ERI3: variants seen among roughly 807,000 people sequenced by gnomAD.
The protein encoded by ERI3 is ERI1 exoribonuclease 3.
ERI3 carries 18 observed loss-of-function variants against 44.4 expected under a neutral mutation model. The ratio of observed to expected loss-of-function variants is 0.41; its 90% CI spans 0.28 to 0.60. ERI3 has a LOEUF of 0.60. Ranked by LOEUF, ERI3 falls within the 20% of genes least tolerant of loss-of-function variation. The pLI is 0.36. For synonymous variants in ERI3, 183 were observed against 164.8 expected, an observed-to-expected ratio of 1.11 and a Z score of -0.84; for missense variants, 294 against 435.5, an observed-to-expected ratio of 0.68 and a Z score of 2.89.
intron 5 of ERI3, among the ~76,000 whole-genome samples, chr1:44,310,963 G>GCACACACACACACA (rs58344074): frequency 8.1e-6 from 1 of 123,202 alleles, no homozygotes; most frequent in Non-Finnish European, 1.7e-5. Context: ...GCGCGCGCGC[G>GCACACACACACACA]CACACACACA....
At position 44,339,733 on chromosome 1, in the gene ERI3, T is replaced by A. The variant is rs541952891; in HGVS notation, c.212-411A>T. ...TGAGGTGACCCTGTTGTACAATGAG[T>A]CCTGGAAGCTAAGTAGACTCAGACA... On this transcript the variant is annotated intron_variant, in intron 2 of 8. Transcript: ENST00000372257. Among the ~76,000 whole-genome samples the A allele has an allele frequency of 1.2e-4, 18 of 152,184 alleles. No homozygotes were observed. The East Asian group carries it at 3.5e-3, about 29-fold the overall frequency.
intron 8 of ERI3, among the ~76,000 whole-genome samples, chr1:44,226,687 T>C (rs940476820): frequency 1.3e-5 from 2 of 151,712 alleles, no homozygotes; most frequent in Admixed American, 1.3e-4. Flanking sequence ...TTGGATGAGT[T>C]AAGTCATATT....
In ERI3 at chr1:44,252,332, C is replaced by T. The variant is rs1484936002; in HGVS notation, c.832-4294G>A. On this transcript the variant is annotated intron_variant, in intron 7 of 8. Transcript: ENST00000372257. The surrounding 1 kb of genome is among the most constrained non-coding windows in gnomAD (Gnocchi z 4.7). ...AGGGAAGCAGGTGCCGAGCTGCTCC[C>T]GGCTGGCTCTCCCCTCTCGTGGCTC... Among the ~76,000 whole-genome samples the T allele has an allele frequency of 6.6e-6, 1 of 152,254 alleles. No individual in the cohort carries two copies. The highest frequency in any genetic ancestry group is 1.5e-5 in the Non-Finnish European group (1 of 68,040).
At chr1:44,335,811 G>A (rs993702227) in intron 3 of ERI3, among the ~76,000 whole-genome samples, 19 of 150,638 alleles carry the variant, frequency 1.3e-4, no homozygotes, top group African/African-American at 4.6e-4. Context: ...AAGAATCTCT[G>A]TCAAATGGAC....
At chr1:44,317,144 GCACACA>G (rs10670781) in intron 4 of ERI3, among the ~76,000 whole-genome samples, 3 of 151,016 alleles carry the variant, frequency 2.0e-5, no homozygotes, top group African/African-American at 4.9e-5. Context: ...GCATGTGCGT[GCACACA>G]CACACACACA....
At position 44,241,695 on chromosome 1, in the gene ERI3, A is replaced by G. The variant is rs1644438373; in HGVS notation, c.931+6244T>C. On this transcript the variant is annotated intron_variant, in intron 8 of 8. Coordinates refer to ENST00000372257, the MANE Select transcript of ERI3 (RefSeq NM_024066.3). The surrounding 1 kb of genome is among the most constrained non-coding windows in gnomAD (Gnocchi z 5.6). ...GATTTCTTTGTCATTTAAGTCTGCG[A>G]TGGTTTGACAGGAGATACAGAGAGA... Among the ~76,000 whole-genome samples the G allele has an allele frequency of 1.3e-5, 2 of 152,128 alleles. No homozygotes were observed. The highest frequency in any genetic ancestry group is 6.6e-5 in the Admixed American group (1 of 15,264).
At chr1:44,316,273 G>A (rs1351512223) in intron 4 of ERI3, among the ~76,000 whole-genome samples, 1 of 152,306 alleles carries the variant, frequency 6.6e-6, no homozygotes, top group East Asian at 1.9e-4. Flanking sequence ...GCTAAACAGA[G>A]CTCAGAGACC....
chr1:44,283,090 C>A (rs990261310), intron 7 of ERI3, among the ~76,000 whole-genome samples: 5 of 152,190 alleles, frequency 3.3e-5, no homozygotes, highest in African/African-American at 9.7e-5. Context: ...CCTGGCCGGG[C>A]CTTCACATTG....
intron 8 of ERI3, among the ~76,000 whole-genome samples, chr1:44,229,790 TG>T (rs1370836961): frequency 2.6e-5 from 4 of 152,280 alleles, no homozygotes; most frequent in African/African-American, 7.2e-5. Flanking sequence ...TGAAGATGCT[TG>T]GGCCCTAGCT....
intron 6 of ERI3, among the ~76,000 whole-genome samples, chr1:44,287,374 C>A (rs2154323629): frequency 6.6e-6 from 1 of 152,356 alleles, no homozygotes; most frequent in South Asian, 2.1e-4. Flanking sequence ...TCAAGGCAGT[C>A]CGGCCTTCCC....
intron 4 of ERI3, among the ~76,000 whole-genome samples, chr1:44,316,889 C>T (rs1451640283): frequency 6.6e-6 from 1 of 152,066 alleles, no homozygotes; most frequent in African/African-American, 2.4e-5. Context: ...GGAAAGGGCT[C>T]GGGAAGGAAT....
At chr1:44,290,697 CCCA>C (rs1396465336) in intron 6 of ERI3, among the ~76,000 whole-genome samples, 1 of 152,156 alleles carries the variant, frequency 6.6e-6, no homozygotes, top group African/African-American at 2.4e-5. Flanking sequence ...TTTCCATTCC[CCCA>C]CCCAGAGGAG....
chr1:44,227,874 T>C (rs1288295715), intron 8 of ERI3, among the ~76,000 whole-genome samples: 1 of 152,202 alleles, frequency 6.6e-6, no homozygotes, highest in Non-Finnish European at 1.5e-5. Context: ...TTCTCTAAAA[T>C]GGGAATAATA....
chr1:44,322,590 T>C lies in ERI3; in HGVS notation c.490-2846A>G, dbSNP rs2154329417. On this transcript the variant is annotated intron_variant, in intron 3 of 8. Coordinates refer to ENST00000372257, the MANE Select transcript of ERI3 (RefSeq NM_024066.3). ...TTGCAGGGGCCCTTCCTCCACAACA[T>C]GAGGAGCTGTTATTAACAATGAGCC... 3 of 1,158,444 alleles carry C rather than the reference T, an allele frequency of 2.6e-6. 1 individual carries two copies. The South Asian group carries it at 6.3e-5, about 25-fold the overall frequency. The allele number at this position is 1,158,444 out of a possible 1,614,324, so 71.8% of individuals were successfully genotyped here.
At chr1:44,246,206 C>G (rs975338897) in intron 8 of ERI3, among the ~76,000 whole-genome samples, 1 of 152,186 alleles carries the variant, frequency 6.6e-6, no homozygotes, top group African/African-American at 2.4e-5. Flanking sequence ...TCATGGGAAG[C>G]TTCTTGTAGG....
chr1:44,339,209 G>T lies in ERI3; in HGVS notation c.325C>A (p.Pro109Thr), dbSNP rs550872017. The stretch of plus-strand genomic sequence containing the variant: ...GAGCAGAACTCCGGAACACCACAGG[G>T]AGAAAATAAGTGGGAGCCCAGCACT... The part of the protein sequence containing the change: ...RKVLGSHLFS[P>T]CGVPEFCSIS... Residue 109 changes from proline (P) to threonine (T), a missense_variant, in exon 3 of 9, where the codon CCC becomes ACC. Pro to Thr is a conservative substitution (Grantham distance 38, BLOSUM62 -1). Coordinates refer to ENST00000372257, the MANE Select transcript of ERI3 (RefSeq NM_024066.3). 6.2e-7 allele frequency: 1 copy of T among 1,614,046 alleles called. No homozygotes were observed. Among genetic ancestry groups the T allele is most frequent in the Non-Finnish European group, 8.5e-7 (1 of 1,179,998 alleles).
chr1:44,341,537 G>A (rs1211243690), intron 2 of ERI3, among the ~76,000 whole-genome samples: 1 of 152,068 alleles, frequency 6.6e-6, no homozygotes, highest in Non-Finnish European at 1.5e-5. Flanking sequence ...TATTCTGATG[G>A]CCAGTGGTCC....
At chr1:44,320,342 A>G (rs965174180) in intron 3 of ERI3, among the ~76,000 whole-genome samples, 5 of 152,256 alleles carry the variant, frequency 3.3e-5, no homozygotes, top group Non-Finnish European at 7.3e-5. Context: ...CTACAACGCC[A>G]GCCCAATCGC....
chr1:44,250,793 G>A (rs1256717753), intron 7 of ERI3, among the ~76,000 whole-genome samples: 1 of 152,204 alleles, frequency 6.6e-6, no homozygotes, highest in Non-Finnish European at 1.5e-5. Flanking sequence ...CCTAATAAGA[G>A]GGATTTAATT....
Sources: allele counts gnomAD v4.1 joint callset (sites outside exome capture counted in the v4.1 genomes callset), GRCh38; gene constraint gnomAD v4.1.1; non-coding constraint Gnocchi (gnomAD v3.1); transcripts MANE v1.5; gene names NCBI Gene and HGNC (gene_info 2026-07-23, HGNC 2026-07-21).